Variants in PPP2R1A observed in about 807,000 individuals in gnomAD.
PPP2R1A encodes serine/threonine-protein phosphatase 2A 65 kDa regulatory subunit A alpha isoform.
PPP2R1A carries 15 observed loss-of-function variants against 67.1 expected under a neutral mutation model. The ratio of observed to expected loss-of-function variants is 0.22; its 90% CI spans 0.15 to 0.34. The LOEUF (loss-of-function observed/expected upper bound fraction) is 0.34. PPP2R1A is among the 10% of genes least tolerant of loss of function. The pLI, the probability that PPP2R1A is intolerant of heterozygous loss-of-function variation, is 1.00. For missense variants in PPP2R1A, 369 were observed against 775.0 expected (o/e 0.48, Z 6.22); for synonymous variants, 337 against 325.0 (o/e 1.04, Z -0.40).
Position 52,226,167 on chromosome 19 carries a change from A to T in PPP2R1A, c.*186A>T, listed in dbSNP as rs1178683388. 1 of 907,570 alleles carries T rather than the reference A, an allele frequency of 1.1e-6. No individual in the cohort carries two copies. The highest frequency in any genetic ancestry group is 1.7e-6 in the Non-Finnish European group (1 of 597,584). 56.2% of individuals were successfully genotyped at this position (907,570 alleles called of 1,614,324 possible). On this transcript the variant is annotated 3_prime_UTR_variant, in exon 15 of 15. Transcript: ENST00000322088. ...AAGATGTCTCACTGTCCACCTCCCA[A>T]CGGGCTAGGGGAGCACGGGGTTGGA...
chr19:52,206,357 T>A (rs906651093), intron 3 of PPP2R1A, among the ~76,000 whole-genome samples: 1 of 152,208 alleles, frequency 6.6e-6, no homozygotes, highest in Non-Finnish European at 1.5e-5. Flanking sequence ...ACTGCTTATT[T>A]GCTGTGTGAC....
chr19:52,208,175 G>A (rs377265051), intron 3 of PPP2R1A, among the ~76,000 whole-genome samples: 1 of 151,998 alleles, frequency 6.6e-6, no homozygotes, highest in South Asian at 2.1e-4. Context: ...TGTTTGTTTT[G>A]TTTTTTTCCC....
chr19:52,225,845 TGGACTTTGAGGACA>T, intron 14 of PPP2R1A, 37 bp downstream of exon 14: 7 of 1,612,076 alleles, frequency 4.3e-6, no homozygotes, highest in Non-Finnish European at 5.9e-6. Context: ...AGCAGGAGGG[TGGACTTTGAGGACA>T]GGCACTGGGC....
At chr19:52,194,090 A>G (rs796200362) in intron 1 of PPP2R1A, among the ~76,000 whole-genome samples, 15 of 134,672 alleles carry the variant, frequency 1.1e-4, no homozygotes, top group African/African-American at 4.1e-4. Flanking sequence ...CCTGTCTCCA[A>G]AAAAAAAAAA....
In PPP2R1A at chr19:52,219,545, G is replaced by A. The variant is rs188348117; in HGVS notation, c.1129-146G>A. Reference sequence around the variant, plus strand: ...TGCTTGCTTTTTGTGTGCCGTTAATGTGTTCCCAGAACGGGGAGCTGGGCT... The same window carrying A: ...TGCTTGCTTTTTGTGTGCCGTTAATATGTTCCCAGAACGGGGAGCTGGGCT... On this transcript the variant is annotated intron_variant, in intron 9 of 14. Coordinates refer to ENST00000322088, the MANE Select transcript of PPP2R1A (RefSeq NM_014225.6). The surrounding 1 kb of genome is among the most constrained non-coding windows in gnomAD (Gnocchi z 4.0). 1.1e-5 allele frequency: 8 copies of A among 743,480 alleles called. No homozygotes were observed. The East Asian group carries it at 2.3e-4, about 21-fold the overall frequency. The allele number at this position is 743,480 out of a possible 1,614,324, so 46.1% of individuals were successfully genotyped here.
intron 13 of PPP2R1A, among the ~76,000 whole-genome samples, chr19:52,223,669 A>G (rs959103081): frequency 6.6e-6 from 1 of 152,246 alleles, no homozygotes. Flanking sequence ...ACATATGACT[A>G]CACGCCTCCC....
At chr19:52,200,768 A>G (rs2089539159) in intron 1 of PPP2R1A, among the ~76,000 whole-genome samples, 1 of 152,118 alleles carries the variant, frequency 6.6e-6, no homozygotes, top group Non-Finnish European at 1.5e-5. Context: ...TTGTGGATGC[A>G]TCTCCTGGTC....
intron 3 of PPP2R1A, 98 bp downstream of exon 3, chr19:52,206,161 G>T: frequency 9.3e-7 from 1 of 1,077,818 alleles, no homozygotes. Context: ...GAGAGCGTGG[G>T]GATCACGTCA....
At position 52,227,852 on chromosome 19, in the gene PPP2R1A, A is replaced by G. The variant is rs979119863; in HGVS notation, c.*1871A>G. On this transcript the variant is annotated 3_prime_UTR_variant, in exon 15 of 15. Coordinates refer to ENST00000322088, the MANE Select transcript of PPP2R1A (RefSeq NM_014225.6). ...CTGACATTAAACTTTGACTTTCCCC[A>G]TGGTTAACGCTGCTGGTCCATTGTA... The G allele has an allele frequency of 1.3e-5, 2 of 152,116 alleles. No individual in the cohort carries two copies. Among genetic ancestry groups the G allele is most frequent in the Non-Finnish European group, 2.9e-5 (2 of 68,018 alleles). 9.4% of individuals were successfully genotyped at this position (152,116 alleles called of 1,614,324 possible).
chr19:52,194,268 G>T (rs995440129), intron 1 of PPP2R1A, among the ~76,000 whole-genome samples: 3 of 152,064 alleles, frequency 2.0e-5, no homozygotes, highest in Non-Finnish European at 4.4e-5. Flanking sequence ...AGAGGGAATA[G>T]TTGGTACAAA....
intron 1 of PPP2R1A, among the ~76,000 whole-genome samples, chr19:52,193,025 C>T (rs1031150000): frequency 5.9e-5 from 9 of 152,194 alleles, no homozygotes; most frequent in Non-Finnish European, 1.0e-4. Flanking sequence ...AAACCATCTG[C>T]GTAACAAATT....
Position 52,219,573 on chromosome 19 carries a change from G to A in PPP2R1A, c.1129-118G>A. The A allele has an allele frequency of 2.8e-6, 3 of 1,068,414 alleles. No individual in the cohort carries two copies. Among genetic ancestry groups the A allele is most frequent in the Non-Finnish European group, 4.0e-6 (3 of 757,340 alleles). The allele number at this position is 1,068,414 out of a possible 1,614,324, so 66.2% of individuals were successfully genotyped here. On this transcript the variant is annotated intron_variant, in intron 9 of 14. Transcript: ENST00000322088. This position sits in a 1 kb window ranked among gnomAD's most constrained non-coding sequence, Gnocchi z 4.0. The stretch of plus-strand genomic sequence containing the variant: ...TTCCCAGAACGGGGAGCTGGGCTTG[G>A]ACAGGAGTAGTCCCTCGGGAGATGT...
chr19:52,224,831 C>T (rs923222971), intron 13 of PPP2R1A, among the ~76,000 whole-genome samples: 2 of 152,030 alleles, frequency 1.3e-5, no homozygotes, highest in Non-Finnish European at 2.9e-5. Context: ...TTTCAAGTAG[C>T]TGGGATTACA....
rs1269043214 is a variant in PPP2R1A, at chr19:52,211,098, A to G, written c.271-162A>G. ...TAATATTACGTTTTTCCTTTGAGTCATTCATTGCAACCATTTTTAAAGGCT... is the reference window on the plus strand; with the variant it reads ...TAATATTACGTTTTTCCTTTGAGTCGTTCATTGCAACCATTTTTAAAGGCT... On this transcript the variant is annotated intron_variant, in intron 3 of 14. Transcript: ENST00000322088. This position sits in a 1 kb window ranked among gnomAD's most constrained non-coding sequence, Gnocchi z 5.3. Among the ~76,000 whole-genome samples the G allele has an allele frequency of 6.6e-6, 1 of 152,200 alleles. No individual in the cohort carries two copies. Among genetic ancestry groups the G allele is most frequent in the African/African-American group, 2.4e-5 (1 of 41,452 alleles).
intron 3 of PPP2R1A, among the ~76,000 whole-genome samples, chr19:52,207,740 AC>A (rs1302854256): frequency 6.6e-6 from 1 of 152,222 alleles, no homozygotes; most frequent in African/African-American, 2.4e-5. Context: ...AAACTGAGGC[AC>A]AGGCAGATTT....
At chr19:52,192,566 G>C (rs1029652746) in intron 1 of PPP2R1A, among the ~76,000 whole-genome samples, 1 of 151,948 alleles carries the variant, frequency 6.6e-6, no homozygotes, top group Non-Finnish European at 1.5e-5. Context: ...CTCCTGCCTC[G>C]GCCTCCGAAA....
At position 52,209,335 on chromosome 19, in the gene PPP2R1A, C is replaced by A. The variant is rs564621772; in HGVS notation, c.271-1925C>A. 3.3e-5 allele frequency among the ~76,000 whole-genome samples: 5 copies of A among 152,280 alleles called. No homozygotes were observed. In the East Asian group the frequency reaches 9.6e-4, roughly 29 times the overall value. On this transcript the variant is annotated intron_variant, in intron 3 of 14. Coordinates refer to ENST00000322088, the MANE Select transcript of PPP2R1A (RefSeq NM_014225.6). ...CTCTGTCCCTGCAGTATCCCAGTCACACCGCACCTATGGTCACACTCCCAT... is the reference window on the plus strand; with the variant it reads ...CTCTGTCCCTGCAGTATCCCAGTCAAACCGCACCTATGGTCACACTCCCAT...
intron 13 of PPP2R1A, among the ~76,000 whole-genome samples, chr19:52,224,820 C>G (rs1384423741): frequency 6.6e-6 from 1 of 152,124 alleles, no homozygotes; most frequent in African/African-American, 2.4e-5. Context: ...GTGCCTCAGC[C>G]TTTCAAGTAG....
rs994309776 is a variant in PPP2R1A at position 52,216,196 on chromosome 19, G to C, written c.993+122G>C. 5.3e-6 allele frequency: 6 copies of C among 1,127,424 alleles called. No individual in the cohort carries two copies. Among genetic ancestry groups the C allele is most frequent in the South Asian group, 1.4e-5 (1 of 70,340 alleles). 69.8% of individuals were successfully genotyped at this position (1,127,424 alleles called of 1,614,324 possible). ...GTTCCCAGCCCTCTGGGACCAGGCA[G>C]CTCTTGGGTTTCAAGCAGTTAGGGG... On this transcript the variant is annotated intron_variant, in intron 8 of 14. Transcript: ENST00000322088. This position sits in a 1 kb window ranked among gnomAD's most constrained non-coding sequence, Gnocchi z 4.3.
Sources: gnomAD v4.1 joint callset for allele counts (sites outside exome capture counted in the v4.1 genomes callset) on GRCh38, gnomAD v4.1.1 for gene constraint, Gnocchi (gnomAD v3.1) non-coding constraint, MANE v1.5 for transcripts, NCBI Gene and HGNC (gene_info 2026-07-23, HGNC 2026-07-21) for gene names.